Variants in TRERF1 observed in about 807,000 individuals in gnomAD.
TRERF1 encodes transcriptional regulating factor 1.
Under a neutral mutation model 122.9 loss-of-function variants are expected in TRERF1, and 27 were observed. The observed-to-expected ratio is 0.22, with a 90% CI of 0.16 to 0.30. TRERF1 has a LOEUF of 0.30. Among genes scored for constraint, TRERF1 ranks in the 10% least tolerant of loss-of-function variants. TRERF1 has a pLI of 1.00. For synonymous variants in TRERF1, 636 were observed against 641.7 expected, an observed-to-expected ratio of 0.99 and a Z score of 0.13; for missense variants, 1,248 against 1,560.3, an observed-to-expected ratio of 0.80 and a Z score of 3.37.
chr6:42,407,395 G>A (rs2151410027), intron 2 of TRERF1, among the ~76,000 whole-genome samples: 2 of 152,256 alleles, frequency 1.3e-5, no homozygotes, highest in Middle Eastern at 6.8e-3. Context: ...CGCTAGTCCT[G>A]GATCTGCCCC....
At chr6:42,422,663 C>T (rs139074029) in intron 2 of TRERF1, among the ~76,000 whole-genome samples, 1 of 152,058 alleles carries the variant, frequency 6.6e-6, no homozygotes, top group Non-Finnish European at 1.5e-5. Context: ...AGTAATTTCA[C>T]GAGATAGGGC....
At chr6:42,255,719 T>C (rs1776626670) in intron 12 of TRERF1, among the ~76,000 whole-genome samples, 1 of 152,228 alleles carries the variant, frequency 6.6e-6, no homozygotes, top group Non-Finnish European at 1.5e-5. Context: ...AAGGGTATCA[T>C]AGTATTGGGA....
At chr6:42,363,928 T>TG (rs1419457419) in intron 2 of TRERF1, among the ~76,000 whole-genome samples, 3 of 152,170 alleles carry the variant, frequency 2.0e-5, no homozygotes, top group Non-Finnish European at 4.4e-5. Flanking sequence ...ACCCAGTGTG[T>TG]GGTACTTGGT....
intron 3 of TRERF1, among the ~76,000 whole-genome samples, chr6:42,309,806 A>G (rs1787920709): frequency 6.6e-6 from 1 of 152,216 alleles, no homozygotes; most frequent in Non-Finnish European, 1.5e-5. Flanking sequence ...TTATTTATTG[A>G]GACAGGGTCT....
intron 2 of TRERF1, among the ~76,000 whole-genome samples, chr6:42,424,530 A>C (rs971568381): frequency 6.6e-6 from 1 of 152,220 alleles, no homozygotes; most frequent in Non-Finnish European, 1.5e-5. Context: ...CCAAAAAAAA[A>C]TCCAAAATCT....
chr6:42,312,113 T>C lies in TRERF1; in HGVS notation c.-370-11364A>G, dbSNP rs142519910. 1.8e-3 allele frequency among the ~76,000 whole-genome samples: 270 copies of C among 152,238 alleles called. 2 individuals carry two copies. The highest frequency in any genetic ancestry group is 6.0e-3 in the African/African-American group (251 of 41,524). ...TCCACCTTGGTTTTAAGCTGGGTAC[T>C]GTGTGGTTGGATAGAAGACAGCAGG... On this transcript the variant is annotated intron_variant, in intron 3 of 17. Coordinates refer to ENST00000372922, the Ensembl canonical transcript of TRERF1.
intron 3 of TRERF1, among the ~76,000 whole-genome samples, chr6:42,355,485 G>T (rs1238888908): frequency 6.6e-6 from 1 of 152,152 alleles, no homozygotes; most frequent in African/African-American, 2.4e-5. Flanking sequence ...TCCTAAGTGA[G>T]ACTGGTATAG....
Position 42,268,954 on chromosome 6 carries a change from T to G in TRERF1, c.637A>C (p.Thr213Pro). Reference sequence around the variant, plus strand: ...AGAGCTGGTTTGGACAGCCCACCAGTGAAACCAGGGTGAGGCTGCTGGGGC... The same window carrying G: ...AGAGCTGGTTTGGACAGCCCACCAGGGAAACCAGGGTGAGGCTGCTGGGGC... Residue 213 changes from threonine to proline, a missense_variant, in exon 5 of 18, where the codon ACT becomes CCT. Thr to Pro is a conservative substitution (Grantham distance 38). Coordinates refer to ENST00000372922, the Ensembl canonical transcript of TRERF1. This position sits in a 1 kb window ranked among gnomAD's most constrained non-coding sequence, Gnocchi z 4.4. 6.2e-7 allele frequency: 1 copy of G among 1,611,810 alleles called. No individual in the cohort carries two copies. The highest frequency in any genetic ancestry group is 2.2e-5 in the East Asian group (1 of 44,800).
chr6:42,301,729 T>A (rs1328759921), intron 3 of TRERF1, among the ~76,000 whole-genome samples: 2 of 152,246 alleles, frequency 1.3e-5, no homozygotes, highest in Non-Finnish European at 2.9e-5. Flanking sequence ...TCTGAACTTA[T>A]CTCATGGACC....
intron 14 of TRERF1, among the ~76,000 whole-genome samples, chr6:42,245,548 C>T (rs927867542): frequency 6.6e-6 from 1 of 152,246 alleles, no homozygotes; most frequent in Admixed American, 6.5e-5. Context: ...TGTTGAAACA[C>T]TCTTTGAATG....
rs750563624 is a variant in TRERF1 at position 42,375,657 on chromosome 6, CACTG to C, written c.-453-12582_-453-12579del. Among the ~76,000 whole-genome samples the C allele has an allele frequency of 3.9e-5, 6 of 152,310 alleles. No individual in the cohort carries two copies. In the South Asian group the frequency reaches 8.3e-4, roughly 21 times the overall value. On this transcript the variant is annotated intron_variant, in intron 2 of 17. Transcript: ENST00000372922. ...AAGAACATGAAGGAGGAAGGCTACACACTGACTGACTAAAGAGGATTCTCAAAGA... is the reference window on the plus strand; with the variant it reads ...AAGAACATGAAGGAGGAAGGCTACACACTGACTAAAGAGGATTCTCAAAGA...
intron 2 of TRERF1, among the ~76,000 whole-genome samples, chr6:42,383,098 G>A (rs2151164589): frequency 6.6e-6 from 1 of 152,274 alleles, no homozygotes; most frequent in Non-Finnish European, 1.5e-5. Flanking sequence ...GTGCACAGCT[G>A]TAGTCCCAGC....
chr6:42,367,592 G>A (rs373171182), intron 2 of TRERF1, among the ~76,000 whole-genome samples: 8 of 152,190 alleles, frequency 5.3e-5, no homozygotes, highest in Non-Finnish European at 1.0e-4. Flanking sequence ...CTTCCTGGCT[G>A]TAGGGAGGCA....
intron 2 of TRERF1, among the ~76,000 whole-genome samples, chr6:42,436,815 ATATATATATATATATATATAT>A (rs1785513554): frequency 1.6e-5 from 1 of 63,198 alleles, no homozygotes; most frequent in African/African-American, 5.6e-5. Flanking sequence ...AAAAAAAAAA[ATATATATATATATATATATAT>A]ATATATATAT....
chr6:42,447,185 C>A (rs1787668649), intron 2 of TRERF1, among the ~76,000 whole-genome samples: 1 of 152,170 alleles, frequency 6.6e-6, no homozygotes, highest in African/African-American at 2.4e-5. Context: ...TCATCGTCTT[C>A]CATGATGAAA....
chr6:42,233,555 G>A (rs1028253997), intron 16 of TRERF1, among the ~76,000 whole-genome samples: 16 of 152,168 alleles, frequency 1.1e-4, no homozygotes, highest in African/African-American at 3.9e-4. Context: ...AAAGTGCTGG[G>A]ATTACAGGCG....
intron 2 of TRERF1, among the ~76,000 whole-genome samples, chr6:42,386,455 AAG>A (rs958411437): frequency 1.1e-4 from 16 of 152,150 alleles, no homozygotes; most frequent in African/African-American, 3.9e-4. Context: ...AAAAAGGAGA[AAG>A]AAAGAAAGAA....
intron 4 of TRERF1, among the ~76,000 whole-genome samples, chr6:42,289,045 C>T (rs897748401): frequency 6.6e-6 from 1 of 150,968 alleles, no homozygotes; most frequent in African/African-American, 2.4e-5. Flanking sequence ...TGCTCTGGGC[C>T]GGGTGTGGTG....
intron 2 of TRERF1, among the ~76,000 whole-genome samples, chr6:42,386,716 C>A (rs1776879640): frequency 6.6e-6 from 1 of 152,202 alleles, no homozygotes. Context: ...TCCTGGGACC[C>A]TTCCGGATCT....
Sources: allele counts gnomAD v4.1 joint callset (sites outside exome capture counted in the v4.1 genomes callset), GRCh38; gene constraint gnomAD v4.1.1; non-coding constraint Gnocchi (gnomAD v3.1); transcripts MANE v1.5; gene names NCBI Gene and HGNC (gene_info 2026-07-23, HGNC 2026-07-21).